The following RARA variants were observed in gnomAD, a reference collection of about 807,000 sequenced individuals.
RARA encodes the protein retinoic acid receptor alpha.
In RARA, 5 loss-of-function variants were observed where a neutral mutation model predicts 42.8. The ratio of observed to expected loss-of-function variants is 0.12; its 90% CI spans 0.06 to 0.25. RARA has a LOEUF of 0.25. RARA is among the 10% of genes least tolerant of loss of function. The pLI, the probability that RARA is intolerant of heterozygous loss-of-function variation, is 1.00. For synonymous variants in RARA, 256 were observed against 259.5 expected (o/e 0.99, Z 0.13); for missense variants, 402 against 628.7 (o/e 0.64, Z 3.86).
intron 2 of RARA, among the ~76,000 whole-genome samples, chr17:40,335,158 A>C (rs2033808273): frequency 6.6e-6 from 1 of 151,370 alleles, no homozygotes; most frequent in Non-Finnish European, 1.5e-5. Flanking sequence ...GTTTTGGGGG[A>C]ATTAAATCCA....
chr17:40,341,479 G>GCC (rs1363890698), intron 2 of RARA: 1 of 1,505,676 alleles, frequency 6.6e-7, no homozygotes, highest in African/African-American at 1.4e-5. Flanking sequence ...CAAACACTTG[G>GCC]CCCCGCGCGA....
intron 2 of RARA, among the ~76,000 whole-genome samples, chr17:40,338,797 C>T (rs2033937063): frequency 1.3e-5 from 2 of 151,008 alleles, no homozygotes; most frequent in African/African-American, 4.9e-5. Context: ...ATTGCTTGAG[C>T]TCAGGAGTTC....
chr17:40,319,600 C>T (rs1362891759), intron 1 of RARA, among the ~76,000 whole-genome samples: 1 of 151,600 alleles, frequency 6.6e-6, no homozygotes, highest in Admixed American at 6.6e-5. Flanking sequence ...GTTTCCTGGC[C>T]AAGACATTCT....
intron 1 of RARA, among the ~76,000 whole-genome samples, chr17:40,329,310 G>GT (rs113191545): frequency 2.8e-3 from 403 of 141,930 alleles, no homozygotes; most frequent in Middle Eastern, 7.4e-3. Context: ...TTGTGTGTGT[G>GT]TTTTTTTTTT....
At chr17:40,324,138 C>T (rs1011984418) in intron 1 of RARA, among the ~76,000 whole-genome samples, 6 of 152,042 alleles carry the variant, frequency 3.9e-5, no homozygotes, top group Non-Finnish European at 7.4e-5. Context: ...GGGAAAGCCC[C>T]GTGCCAGGCT....
At chr17:40,310,930 G>A (rs2033082949) in intron 1 of RARA, among the ~76,000 whole-genome samples, 1 of 152,142 alleles carries the variant, frequency 6.6e-6, no homozygotes, top group Non-Finnish European at 1.5e-5. Context: ...TCTGGGGGAT[G>A]GAGGAACTAG....
intron 2 of RARA, chr17:40,342,574 C>A: frequency 1.4e-6 from 2 of 1,385,578 alleles, no homozygotes. Context: ...CGCCCCCTGC[C>A]CGGGTCACCA....
intron 1 of RARA, among the ~76,000 whole-genome samples, chr17:40,325,661 C>G (rs1346104230): frequency 6.6e-6 from 1 of 152,244 alleles, no homozygotes; most frequent in African/African-American, 2.4e-5. Flanking sequence ...TAGAGTCCCT[C>G]CTGCCCAAGT....
chr17:40,348,637 C>A, intron 3 of RARA, 173 bp downstream of exon 3: 1 of 782,854 alleles, frequency 1.3e-6, no homozygotes, highest in South Asian at 2.3e-5. Flanking sequence ...ACAGGTCCTC[C>A]CCCATAAATG....
rs2143531107 is a variant in RARA, at chr17:40,354,596, T to C, written c.1012+90T>C. ...AGGGAGCTCTTTCAGGCCACCTCTG[T>C]TAGGTATCTCTAGAGGGCAGGGTCT... On this transcript the variant is annotated intron_variant, in intron 7 of 8. Transcript: ENST00000254066. The surrounding 1 kb of genome is among the most constrained non-coding windows in gnomAD (Gnocchi z 4.5). The C allele has an allele frequency of 1.4e-6, 2 of 1,438,300 alleles. No individual in the cohort carries two copies. Among genetic ancestry groups the C allele is most frequent in the Non-Finnish European group, 1.9e-6 (2 of 1,057,062 alleles). 89.1% of individuals were successfully genotyped at this position (1,438,300 alleles called of 1,614,324 possible).
At chr17:40,340,833 G>A (rs367813345) in intron 2 of RARA, 4 of 400,082 alleles carry the variant, frequency 1.0e-5, no homozygotes, top group Non-Finnish European at 1.8e-5. Flanking sequence ...AATTGGCCTA[G>A]CTTGGTAAGA....
chr17:40,342,080 C>T (rs1019423731), intron 2 of RARA: 28 of 1,007,924 alleles, frequency 2.8e-5, no homozygotes, highest in Non-Finnish European at 3.3e-5. Flanking sequence ...AAGCCAGGGG[C>T]GGTGCCTGGA....
intron 3 of RARA, chr17:40,349,301 G>C (rs1276448161): frequency 5.7e-6 from 1 of 174,474 alleles, no homozygotes; most frequent in East Asian, 1.8e-4. Flanking sequence ...CACCTGTCTT[G>C]GTGAACTCAC....
At chr17:40,321,256 A>G (rs1226696219) in intron 1 of RARA, among the ~76,000 whole-genome samples, 1 of 150,888 alleles carries the variant, frequency 6.6e-6, no homozygotes, top group African/African-American at 2.4e-5. Context: ...GTCTGTCCCC[A>G]GTCTGGCTCG....
Position 40,351,810 on chromosome 17 carries a change from G to C in RARA, c.470-100G>C, listed in dbSNP as rs2034461706. ...CTGTGTGCGCGTGCTTACAAGCCTG[G>C]GTGACCTCCTCAGCAGCTGGCAGCT... On this transcript the variant is annotated intron_variant, in intron 4 of 8. Transcript: ENST00000254066. The surrounding 1 kb of genome is among the most constrained non-coding windows in gnomAD (Gnocchi z 4.1). 2 of 1,478,832 alleles carry C rather than the reference G, an allele frequency of 1.4e-6. No homozygotes were observed. Among genetic ancestry groups the C allele is most frequent in the African/African-American group, 2.9e-5 (2 of 69,908 alleles). The allele number at this position is 1,478,832 out of a possible 1,614,324, so 91.6% of individuals were successfully genotyped here. A position where few individuals can be genotyped will look rare whatever the true frequency, so the allele number is the denominator to read the frequency against.
At chr17:40,342,777 C>A (rs748984306) in intron 2 of RARA, 1 of 1,612,776 alleles carries the variant, frequency 6.2e-7, no homozygotes, top group Admixed American at 1.7e-5. Context: ...TAACCAGAAC[C>A]GGGCCTGTTT....
intron 1 of RARA, among the ~76,000 whole-genome samples, chr17:40,330,244 T>A (rs1375168593): frequency 6.6e-6 from 1 of 152,126 alleles, no homozygotes; most frequent in East Asian, 1.9e-4. Context: ...CGCCTACCCC[T>A]GGACCATCCA....
Position 40,351,277 on chromosome 17 carries a change from A to T in RARA, c.470-633A>T, listed in dbSNP as rs1275173060. 1 of 87,544 alleles carries T rather than the reference A, an allele frequency of 1.1e-5. No homozygotes were observed. Among genetic ancestry groups the T allele is most frequent in the Non-Finnish European group, 2.4e-5 (1 of 41,322 alleles). The allele number at this position is 87,544 out of a possible 1,614,324, so 5.4% of individuals were successfully genotyped here. A position where few individuals can be genotyped will look rare whatever the true frequency, so the allele number is the denominator to read the frequency against. Reference sequence around the variant, plus strand: ...CTCCCTTCCTCCCGCGTCAGCAGCCACCACCACCAGCCCTGTGAGTGATTG... The same window carrying T: ...CTCCCTTCCTCCCGCGTCAGCAGCCTCCACCACCAGCCCTGTGAGTGATTG... On this transcript the variant is annotated intron_variant, in intron 4 of 8. Transcript: ENST00000254066. The surrounding 1 kb of genome is among the most constrained non-coding windows in gnomAD (Gnocchi z 4.1).
At position 40,352,317 on chromosome 17, in the gene RARA, C is replaced by G; in HGVS notation, c.631-14C>G. 6.3e-7 allele frequency: 1 copy of G among 1,585,678 alleles called. No individual in the cohort carries two copies. The highest frequency in any genetic ancestry group is 8.6e-7 in the Non-Finnish European group (1 of 1,162,880). ...CCATGGAGAAGAAGGCCCTCACTCT[C>G]CCTCCTCCCCCAGAACAACAGCTCA... is the stretch of plus-strand genomic sequence containing the variant. On this transcript the variant is annotated splice_polypyrimidine_tract_variant and intron_variant, in intron 5 of 8. Coordinates refer to ENST00000254066, the MANE Select transcript of RARA (RefSeq NM_000964.4). The surrounding 1 kb of genome is among the most constrained non-coding windows in gnomAD (Gnocchi z 4.9).
Sources: allele counts gnomAD v4.1 joint callset (sites outside exome capture counted in the v4.1 genomes callset), GRCh38; gene constraint gnomAD v4.1.1; non-coding constraint Gnocchi (gnomAD v3.1); transcripts MANE v1.5; gene names NCBI Gene and HGNC (gene_info 2026-07-23, HGNC 2026-07-21).